Variants in HCRTR2 observed in about 807,000 individuals in gnomAD.
The protein encoded by HCRTR2 is orexin receptor type 2.
A neutral mutation model predicts 49.0 loss-of-function variants in HCRTR2; 22 were observed. That is an observed-to-expected ratio of 0.45 (90% confidence interval 0.32 to 0.64). The LOEUF is 0.64. Among genes scored for constraint, HCRTR2 ranks in the 30% least tolerant of loss-of-function variants. HCRTR2 has a pLI of 0.04. For missense variants in HCRTR2, 491 were observed against 559.4 expected (o/e 0.88, Z 1.23); for synonymous variants, 236 against 205.3 (o/e 1.15, Z -1.28).
chr6:55,112,162 C>G (rs575867899), intron 1 of HCRTR2, among the ~76,000 whole-genome samples: 8 of 151,946 alleles, frequency 5.3e-5, no homozygotes, highest in Admixed American at 1.3e-4. Flanking sequence ...TAAAAGCTAT[C>G]TATGACAAAT....
chr6:55,258,998 C>T (rs1766705030), intron 3 of HCRTR2, among the ~76,000 whole-genome samples: 1 of 152,076 alleles, frequency 6.6e-6, no homozygotes, highest in African/African-American at 2.4e-5. Context: ...TTGCAGTGAG[C>T]CGAGATCATG....
chr6:55,200,930 G>A (rs1039541220), intron 1 of HCRTR2, among the ~76,000 whole-genome samples: 1 of 151,836 alleles, frequency 6.6e-6, no homozygotes, highest in Non-Finnish European at 1.5e-5. Context: ...TTTGATATAC[G>A]TACTGATTTT....
chr6:55,114,858 A>G (rs1764095010), intron 1 of HCRTR2, among the ~76,000 whole-genome samples: 1 of 151,804 alleles, frequency 6.6e-6, no homozygotes. Flanking sequence ...TACCCTAATC[A>G]GAGTACAAAG....
intron 1 of HCRTR2, among the ~76,000 whole-genome samples, chr6:55,163,761 T>C (rs1764839213): frequency 6.6e-6 from 1 of 151,756 alleles, no homozygotes; most frequent in Non-Finnish European, 1.5e-5. Context: ...GGCAAGAAAA[T>C]CCCAAATTGA....
chr6:55,162,367 C>G (rs544458523), intron 1 of HCRTR2, among the ~76,000 whole-genome samples: 1 of 152,240 alleles, frequency 6.6e-6, no homozygotes, highest in Non-Finnish European at 1.5e-5. Flanking sequence ...TATGACAAAC[C>G]CATACCCAAT....
intron 1 of HCRTR2, among the ~76,000 whole-genome samples, chr6:55,221,856 A>G (rs1765904876): frequency 6.6e-6 from 1 of 152,076 alleles, no homozygotes; most frequent in Non-Finnish European, 1.5e-5. Context: ...AAACTCATAG[A>G]GAAAAACAGG....
At chr6:55,126,355 C>A (rs1178863511) in intron 1 of HCRTR2, among the ~76,000 whole-genome samples, 2 of 152,154 alleles carry the variant, frequency 1.3e-5, no homozygotes, top group Non-Finnish European at 2.9e-5. Context: ...AACAGTCAGG[C>A]CCCTCTTCAG....
intron 1 of HCRTR2, among the ~76,000 whole-genome samples, chr6:55,139,193 T>C (rs1045276794): frequency 6.6e-6 from 1 of 152,294 alleles, no homozygotes; most frequent in African/African-American, 2.4e-5. Context: ...GAAGTCCTCA[T>C]AGGTCAGAAT....
intron 3 of HCRTR2, 144 bp downstream of exon 3, chr6:55,255,523 G>A: frequency 1.1e-6 from 1 of 890,224 alleles, no homozygotes; most frequent in South Asian, 1.4e-5. Flanking sequence ...AAACCAACTT[G>A]AATTTCAAAA....
chr6:55,249,259 T>A (rs184262363), intron 2 of HCRTR2, among the ~76,000 whole-genome samples: 12 of 152,264 alleles, frequency 7.9e-5, no homozygotes, highest in African/African-American at 2.6e-4. Flanking sequence ...ATTAATGATC[T>A]GCCAGTCCAA....
intron 1 of HCRTR2, among the ~76,000 whole-genome samples, chr6:55,117,244 C>T (rs1181086233): frequency 1.3e-5 from 2 of 151,732 alleles, no homozygotes; most frequent in Non-Finnish European, 1.5e-5. Flanking sequence ...AAATACCTTG[C>T]TATATTAGAT....
At chr6:55,203,700 T>C (rs1257349889) in intron 1 of HCRTR2, among the ~76,000 whole-genome samples, 1 of 152,094 alleles carries the variant, frequency 6.6e-6, no homozygotes, top group Admixed American at 6.6e-5. Context: ...CATGCAGTTA[T>C]CCTAGGAAAG....
intron 1 of HCRTR2, among the ~76,000 whole-genome samples, chr6:55,247,520 T>C (rs1210313974): frequency 6.6e-6 from 1 of 152,164 alleles, no homozygotes; most frequent in Non-Finnish European, 1.5e-5. Flanking sequence ...CTGCATTATT[T>C]GGGTGCATGG....
At chr6:55,226,671 T>A (rs1394169054) in intron 1 of HCRTR2, among the ~76,000 whole-genome samples, 1 of 151,594 alleles carries the variant, frequency 6.6e-6, no homozygotes, top group Non-Finnish European at 1.5e-5. Flanking sequence ...CATGTATTTA[T>A]GTTTAGGCTC....
chr6:55,142,459 C>G (rs532987334), intron 1 of HCRTR2, among the ~76,000 whole-genome samples: 1 of 151,202 alleles, frequency 6.6e-6, no homozygotes, highest in African/African-American at 2.4e-5. Flanking sequence ...CCACCCGCTT[C>G]GGCCTCTAAA....
At chr6:55,226,837 G>A (rs1766017074) in intron 1 of HCRTR2, among the ~76,000 whole-genome samples, 1 of 146,902 alleles carries the variant, frequency 6.8e-6, no homozygotes, top group Admixed American at 7.0e-5. Context: ...TCCTGCCTCA[G>A]CCTCCCGAGT....
At chr6:55,145,422 T>G (rs972531344) in intron 1 of HCRTR2, among the ~76,000 whole-genome samples, 14 of 151,472 alleles carry the variant, frequency 9.2e-5, no homozygotes, top group Non-Finnish European at 1.9e-4. Flanking sequence ...TGTTTGTTTT[T>G]TTTTTTGAGA....
rs186253844 is a variant in HCRTR2 at position 55,156,014 on chromosome 6, A to G, written c.-377-18197A>G. Among the ~76,000 whole-genome samples the G allele has an allele frequency of 9.5e-3, 1,439 of 152,090 alleles. 9 individuals carry two copies. Among genetic ancestry groups the G allele is most frequent in the Non-Finnish European group, 0.016 (1,077 of 67,892 alleles). ...CCATCCTCACTTGCAAAATGAGGGG[A>G]AAAACCCCAGCACCTTTAATATGGT... On this transcript the variant is annotated intron_variant, in intron 1 of 7. Coordinates refer to the HCRTR2 transcript ENST00000615358.
intron 1 of HCRTR2, among the ~76,000 whole-genome samples, chr6:55,155,413 TG>T (rs1350970628): frequency 1.3e-5 from 2 of 152,108 alleles, no homozygotes; most frequent in African/African-American, 2.4e-5. Flanking sequence ...TAGCCAAACT[TG>T]TATTTAAATA....
Sources: allele counts gnomAD v4.1 joint callset (sites outside exome capture counted in the v4.1 genomes callset), GRCh38; gene constraint gnomAD v4.1.1; transcripts MANE v1.5; gene names NCBI Gene and HGNC (gene_info 2026-07-23, HGNC 2026-07-21).